PDZD2: variants seen among roughly 807,000 people sequenced by gnomAD.
PDZD2 encodes the protein PDZ domain-containing protein 2.
PDZD2 carries 90 observed loss-of-function variants against 220.7 expected under a neutral mutation model. That is an observed-to-expected ratio of 0.41 (90% CI 0.34 to 0.49). PDZD2 has a LOEUF of 0.49. Among genes scored for constraint, PDZD2 ranks in the 20% least tolerant of loss-of-function variants. PDZD2 has a pLI of 0.28. For missense variants in PDZD2, 3,174 were observed against 3,608.5 expected, an observed-to-expected ratio of 0.88 and a Z score of 3.08; for synonymous variants, 1,375 against 1,450.5, an observed-to-expected ratio of 0.95 and a Z score of 1.18.
intron 1 of PDZD2, among the ~76,000 whole-genome samples, chr5:31,750,535 C>T (rs1030527756): frequency 2.0e-4 from 30 of 152,112 alleles, no homozygotes; most frequent in African/African-American, 3.6e-4. Flanking sequence ...ATGTGTAACA[C>T]GAGGGTCCGC....
chr5:31,817,462 C>T (rs950332168), intron 2 of PDZD2, among the ~76,000 whole-genome samples: 1 of 151,798 alleles, frequency 6.6e-6, no homozygotes, highest in Non-Finnish European at 1.5e-5. Flanking sequence ...CACTGCACTC[C>T]AGCCTGGGCA....
chr5:32,058,462 A>C (rs1739328684), intron 12 of PDZD2, among the ~76,000 whole-genome samples: 1 of 151,700 alleles, frequency 6.6e-6, no homozygotes, highest in Admixed American at 6.6e-5. Context: ...TGAGGTCAGG[A>C]GTTTGAGACC....
intron 2 of PDZD2, among the ~76,000 whole-genome samples, chr5:31,963,937 C>T (rs1748483702): frequency 6.6e-6 from 1 of 152,146 alleles, no homozygotes; most frequent in African/African-American, 2.4e-5. Context: ...TACGTCTTTG[C>T]CTCAAGGGGC....
At chr5:31,702,544 C>T (rs1413529907) in intron 1 of PDZD2, among the ~76,000 whole-genome samples, 2 of 152,170 alleles carry the variant, frequency 1.3e-5, no homozygotes, top group Admixed American at 6.5e-5. Context: ...GCCCACTCTG[C>T]GGTTCCTTCC....
At chr5:32,024,904 T>C (rs367744226) in intron 6 of PDZD2, among the ~76,000 whole-genome samples, 7 of 152,312 alleles carry the variant, frequency 4.6e-5, no homozygotes, top group African/African-American at 1.7e-4. Flanking sequence ...TGGGCATGAC[T>C]GTGTTCCAGT....
In PDZD2 at chr5:31,907,902, G is replaced by A. The variant is rs780377148; in HGVS notation, c.477-75253G>A. Among the ~76,000 whole-genome samples, 197 of 151,956 alleles carry A rather than the reference G, an allele frequency of 1.3e-3. 1 individual carries two copies. The highest frequency in any genetic ancestry group is 1.8e-3 in the Admixed American group (28 of 15,250). ...GTTCGAGACCAGCCTGGCCAATATG[G>A]TGAAACCCCGTCTTTACTAAAAATA... On this transcript the variant is annotated intron_variant, in intron 2 of 24. Transcript: ENST00000438447.
At chr5:31,870,627 C>T (rs1214174229) in intron 2 of PDZD2, among the ~76,000 whole-genome samples, 7 of 152,198 alleles carry the variant, frequency 4.6e-5, no homozygotes, top group East Asian at 1.9e-4. Context: ...GTGGCTCACG[C>T]GTATAATCCC....
At chr5:31,976,803 C>A (rs1318610352) in intron 2 of PDZD2, among the ~76,000 whole-genome samples, 2 of 143,242 alleles carry the variant, frequency 1.4e-5, no homozygotes, top group Non-Finnish European at 3.0e-5. Context: ...CTGCAACCTC[C>A]GATTCCCAGG....
In PDZD2 at chr5:32,110,124, T is replaced by TCAA. The variant is rs1244776011; in HGVS notation, c.*1995_*1997dup. The TCAA allele has an allele frequency of 2.0e-5, 3 of 152,632 alleles. No homozygotes were observed. The highest frequency in any genetic ancestry group is 7.2e-5 in the African/African-American group (3 of 41,442). 9.5% of individuals were successfully genotyped at this position (152,632 alleles called of 1,614,324 possible). A position where few individuals can be genotyped will look rare whatever the true frequency, so the allele number is the denominator to read the frequency against. ...TGCCTAAATCAAAGACTATTTCAAGTCAACAACACTGAAAACTGCTTTTCG... is the reference window on the plus strand; with the variant it reads ...TGCCTAAATCAAAGACTATTTCAAGTCAACAACAACACTGAAAACTGCTTTTCG... On this transcript the variant is annotated 3_prime_UTR_variant, in exon 25 of 25. Coordinates refer to ENST00000438447, the MANE Select transcript of PDZD2 (RefSeq NM_178140.4).
chr5:32,090,813 G>A lies in PDZD2; in HGVS notation c.7365G>A (p.Thr2455=), dbSNP rs774058844. Residue 2455 remains threonine, a synonymous_variant, in exon 20 of 25, where the codon ACG becomes ACA. Coordinates refer to ENST00000438447, the MANE Select transcript of PDZD2 (RefSeq NM_178140.4). This position sits in a 1 kb window ranked among gnomAD's most constrained non-coding sequence, Gnocchi z 4.3. ...SLGPLGIPTP[T]MTLASPVKRN... Reference sequence around the variant, plus strand: ...GTCCTTTGGGAATTCCCACCCCAACGATGACCCTGGCTTCTCCTGTTAAGA... The same window carrying A: ...GTCCTTTGGGAATTCCCACCCCAACAATGACCCTGGCTTCTCCTGTTAAGA... The A allele has an allele frequency of 1.4e-5, 23 of 1,613,960 alleles. No homozygotes were observed. The highest frequency in any genetic ancestry group is 3.3e-5 in the Admixed American group (2 of 59,996).
intron 2 of PDZD2, among the ~76,000 whole-genome samples, chr5:31,963,322 T>C (rs1748418663): frequency 6.6e-6 from 1 of 152,190 alleles, no homozygotes; most frequent in South Asian, 2.1e-4. Flanking sequence ...AAAAACTTGA[T>C]TTTTTCCTTT....
At chr5:31,863,180 C>G (rs563643991) in intron 2 of PDZD2, among the ~76,000 whole-genome samples, 1 of 152,174 alleles carries the variant, frequency 6.6e-6, no homozygotes, top group East Asian at 1.9e-4. Context: ...CCACTGCGCC[C>G]GGCCATGAGA....
At chr5:31,696,765 T>C (rs1381061844) in intron 1 of PDZD2, among the ~76,000 whole-genome samples, 16 of 152,214 alleles carry the variant, frequency 1.1e-4, no homozygotes, top group Non-Finnish European at 2.9e-5. Context: ...CCCTTTCTCC[T>C]CTTTACAATT....
At chr5:31,939,551 G>T (rs1581124733) in intron 2 of PDZD2, among the ~76,000 whole-genome samples, 1 of 152,180 alleles carries the variant, frequency 6.6e-6, no homozygotes, top group African/African-American at 2.4e-5. Context: ...CTCTGCATGG[G>T]TAGGCAGTGT....
chr5:31,921,422 G>T (rs536883500), intron 2 of PDZD2, among the ~76,000 whole-genome samples: 1 of 152,098 alleles, frequency 6.6e-6, no homozygotes, highest in Non-Finnish European at 1.5e-5. Context: ...AGTGGCTCAC[G>T]CCTGTAATCC....
chr5:31,766,047 G>A (rs941554002), intron 1 of PDZD2, among the ~76,000 whole-genome samples: 1 of 152,090 alleles, frequency 6.6e-6, no homozygotes, highest in Non-Finnish European at 1.5e-5. Context: ...GGGCATGGTG[G>A]TGCACACCTG....
intron 1 of PDZD2, among the ~76,000 whole-genome samples, chr5:31,654,648 C>T (rs768806723): frequency 6.6e-6 from 1 of 152,194 alleles, no homozygotes; most frequent in Non-Finnish European, 1.5e-5. Flanking sequence ...ATCTCTTGTT[C>T]GCTCTTTAAA....
At chr5:31,910,506 T>A (rs1743086887) in intron 2 of PDZD2, among the ~76,000 whole-genome samples, 1 of 151,040 alleles carries the variant, frequency 6.6e-6, no homozygotes, top group African/African-American at 2.4e-5. Flanking sequence ...TTCTCTTGCC[T>A]CAGCCTCCTG....
intron 1 of PDZD2, among the ~76,000 whole-genome samples, chr5:31,782,647 G>C (rs10062580): frequency 0.019 from 2,931 of 150,736 alleles, 86 homozygotes; most frequent in African/African-American, 0.064. Flanking sequence ...TGGATCTAGC[G>C]TATCTTTAAG....
Sources: gnomAD v4.1 joint callset for allele counts (sites outside exome capture counted in the v4.1 genomes callset) on GRCh38, gnomAD v4.1.1 for gene constraint, Gnocchi (gnomAD v3.1) non-coding constraint, MANE v1.5 for transcripts, NCBI Gene and HGNC (gene_info 2026-07-23, HGNC 2026-07-21) for gene names.